The following GABRA4 variants were observed in gnomAD, a reference collection of about 807,000 sequenced individuals.
The protein encoded by GABRA4 is gamma-aminobutyric acid type A receptor subunit alpha4, also known as gamma-aminobutyric acid receptor subunit alpha-4.
In GABRA4, 12 loss-of-function variants were observed where a neutral mutation model predicts 49.7. That is an observed-to-expected ratio of 0.24 (90% CI 0.15 to 0.39). GABRA4 has a LOEUF of 0.39. GABRA4 is among the 10% of genes least tolerant of loss of function. The pLI is 1.00. For synonymous variants in GABRA4, 288 were observed against 240.2 expected, an observed-to-expected ratio of 1.20 and a Z score of -1.84; for missense variants, 506 against 686.0, an observed-to-expected ratio of 0.74 and a Z score of 2.93.
At chr4:46,973,751 T>C (rs1467258127) in intron 6 of GABRA4, among the ~76,000 whole-genome samples, 1 of 151,792 alleles carries the variant, frequency 6.6e-6, no homozygotes. Context: ...CCCCTACTCA[T>C]GTGATAACCT....
intron 2 of GABRA4, among the ~76,000 whole-genome samples, chr4:46,989,060 G>C (rs888365586): frequency 2.6e-5 from 4 of 152,174 alleles, no homozygotes; most frequent in Non-Finnish European, 5.9e-5. Flanking sequence ...TGACTCAAAT[G>C]CTTCATTCCC....
chr4:46,950,635 A>T (rs1277082650), intron 8 of GABRA4, among the ~76,000 whole-genome samples: 4 of 151,846 alleles, frequency 2.6e-5, no homozygotes, highest in Non-Finnish European at 5.9e-5. Context: ...AAGAAGCAGC[A>T]TGTGAAAGTT....
At chr4:46,957,703 C>T (rs114621995) in intron 8 of GABRA4, among the ~76,000 whole-genome samples, 1 of 151,850 alleles carries the variant, frequency 6.6e-6, no homozygotes, top group African/African-American at 2.4e-5. Flanking sequence ...TTTCCCTCAC[C>T]CAATATATCC....
At chr4:46,937,853 TC>T (rs1721652603) in intron 8 of GABRA4, among the ~76,000 whole-genome samples, 1 of 152,144 alleles carries the variant, frequency 6.6e-6, no homozygotes. Context: ...AGCTGCTTCT[TC>T]AACCACCAAA....
At chr4:46,965,412 C>G (rs950438986) in intron 7 of GABRA4, among the ~76,000 whole-genome samples, 183 bp from the exon 8 acceptor site, 1 of 151,842 alleles carries the variant, frequency 6.6e-6, no homozygotes, top group Non-Finnish European at 1.5e-5. Flanking sequence ...TTAGCACAGG[C>G]TTTGGAGTGA....
intron 8 of GABRA4, among the ~76,000 whole-genome samples, chr4:46,945,017 A>G (rs980290552): frequency 2.6e-5 from 4 of 152,160 alleles, no homozygotes; most frequent in Non-Finnish European, 5.9e-5. Flanking sequence ...ATCAACAACA[A>G]AATCATTCTC....
rs577419923 is a variant in GABRA4 at position 46,992,454 on chromosome 4, G to A, written c.205+374C>T. ...GAGGATGAGGGACTTCGGTTCAGCTGCCTCCAATGCAACCTGCTCTGAGCG... is the reference window on the plus strand; with the variant it reads ...GAGGATGAGGGACTTCGGTTCAGCTACCTCCAATGCAACCTGCTCTGAGCG... On this transcript the variant is annotated intron_variant, in intron 2 of 8. Transcript: ENST00000264318. Among the ~76,000 whole-genome samples, 7 of 152,304 alleles carry A rather than the reference G, an allele frequency of 4.6e-5. No homozygotes were observed. In the East Asian group the frequency reaches 9.7e-4, roughly 21 times the overall value.
intron 8 of GABRA4, among the ~76,000 whole-genome samples, chr4:46,960,914 T>C (rs1397584108): frequency 6.6e-6 from 1 of 151,774 alleles, no homozygotes; most frequent in Admixed American, 6.6e-5. Context: ...AATAAATAAA[T>C]TCAAGACTCA....
intron 8 of GABRA4, among the ~76,000 whole-genome samples, chr4:46,942,809 G>C (rs1721853878): frequency 6.6e-6 from 1 of 151,872 alleles, no homozygotes; most frequent in African/African-American, 2.4e-5. Context: ...TTTTTCCATA[G>C]GGTTTAGCTG....
intron 8 of GABRA4, among the ~76,000 whole-genome samples, chr4:46,933,630 T>C (rs1453123021): frequency 6.6e-6 from 1 of 152,158 alleles, no homozygotes; most frequent in African/African-American, 2.4e-5. Context: ...GAATAAGGTA[T>C]CTGCTGATCT....
Position 46,971,216 on chromosome 4 carries a change from C to A in GABRA4, c.741G>T (p.Thr247=), listed in dbSNP as rs1177030656. ...KSITGEYIVM[T]VYFHLRRKMG... ...TCTTCCGTCTGAGGTGGAAGTAAAC[C>A]GTCATAACAATATATTCACCTGCCA... Residue 247 remains threonine (T), a synonymous_variant, in exon 7 of 9, where the codon ACG becomes ACT. Coordinates refer to ENST00000264318, the MANE Select transcript of GABRA4 (RefSeq NM_000809.4). The A allele has an allele frequency of 2.5e-6, 4 of 1,609,302 alleles. No individual in the cohort carries two copies. The highest frequency in any genetic ancestry group is 2.7e-5 in the African/African-American group (2 of 74,622).
intron 8 of GABRA4, among the ~76,000 whole-genome samples, chr4:46,935,459 C>T (rs1292340111): frequency 1.3e-5 from 2 of 151,970 alleles, no homozygotes; most frequent in African/African-American, 4.8e-5. Flanking sequence ...GATTCTGCCT[C>T]CAAAAGAAAA....
At chr4:46,972,710 C>G (rs1484289594) in intron 6 of GABRA4, among the ~76,000 whole-genome samples, 3 of 151,564 alleles carry the variant, frequency 2.0e-5, no homozygotes, top group Non-Finnish European at 3.0e-5. Flanking sequence ...ATTTATTCAC[C>G]TTACAGAACA....
At position 46,970,985 on chromosome 4, in the gene GABRA4, C is replaced by T. The variant is rs1722931971; in HGVS notation, c.874+98G>A. ...CATGTGATTCCTTATTCAGGATAGCCTGATGTATTAGGGTTTAAGATTTTC... is the reference window on the plus strand; with the variant it reads ...CATGTGATTCCTTATTCAGGATAGCTTGATGTATTAGGGTTTAAGATTTTC... On this transcript the variant is annotated intron_variant, in intron 7 of 8. Transcript: ENST00000264318. 20 of 1,088,574 alleles carry T rather than the reference C, an allele frequency of 1.8e-5. No individual in the cohort carries two copies. In the South Asian group the frequency reaches 3.2e-4, roughly 17 times the overall value. 67.4% of individuals were successfully genotyped at this position (1,088,574 alleles called of 1,614,324 possible). A position where few individuals can be genotyped will look rare whatever the true frequency, so the allele number is the denominator to read the frequency against.
intron 8 of GABRA4, among the ~76,000 whole-genome samples, chr4:46,943,842 A>G (rs1327935693): frequency 3.3e-5 from 5 of 152,056 alleles, no homozygotes; most frequent in Non-Finnish European, 7.4e-5. Flanking sequence ...TATGGGATAC[A>G]TGTGCTGTTT....
At chr4:46,985,278 A>T (rs971932909) in intron 2 of GABRA4, among the ~76,000 whole-genome samples, 13 of 152,196 alleles carry the variant, frequency 8.5e-5, no homozygotes, top group Non-Finnish European at 1.6e-4. Flanking sequence ...AAAAGGACTT[A>T]AAATCATGGT....
At chr4:46,961,747 C>T (rs1722584454) in intron 8 of GABRA4, among the ~76,000 whole-genome samples, 1 of 151,580 alleles carries the variant, frequency 6.6e-6, no homozygotes, top group South Asian at 2.1e-4. Flanking sequence ...TTTAAGTGAC[C>T]ACAGGCATTT....
At position 46,926,544 on chromosome 4, in the gene GABRA4, C is replaced by T. The variant is rs145732675; in HGVS notation, c.*1681G>A. 2.0e-5 allele frequency: 3 copies of T among 151,762 alleles called. No homozygotes were observed. Among genetic ancestry groups the T allele is most frequent in the Non-Finnish European group, 2.9e-5 (2 of 67,844 alleles). The allele number at this position is 151,762 out of a possible 1,614,324, so 9.4% of individuals were successfully genotyped here. A position where few individuals can be genotyped will look rare whatever the true frequency, so the allele number is the denominator to read the frequency against. ...TAAGGTAGTGCAATATCTGAAAAAT[C>T]GATGCCAATTAACTACTATCACTTC... On this transcript the variant is annotated 3_prime_UTR_variant, in exon 9 of 9. Transcript: ENST00000264318.
chr4:46,946,190 C>T (rs1180485210), intron 8 of GABRA4, among the ~76,000 whole-genome samples: 1 of 152,050 alleles, frequency 6.6e-6, no homozygotes, highest in African/African-American at 2.4e-5. Context: ...TCACTGAAAC[C>T]CTTTAAGCTG....
Sources: allele counts gnomAD v4.1 joint callset (sites outside exome capture counted in the v4.1 genomes callset), GRCh38; gene constraint gnomAD v4.1.1; transcripts MANE v1.5; gene names NCBI Gene and HGNC (gene_info 2026-07-23, HGNC 2026-07-21).